BAZ2B: variants seen among roughly 807,000 people sequenced by gnomAD.
The protein encoded by BAZ2B is bromodomain adjacent to zinc finger domain 2B.
Under a neutral mutation model 246.0 loss-of-function variants are expected in BAZ2B, and 91 were observed. The ratio of observed to expected loss-of-function variants is 0.37; its 90% confidence interval spans 0.31 to 0.44. The LOEUF is 0.44. Among genes scored for constraint, BAZ2B ranks in the 20% least tolerant of loss-of-function variants. The probability of loss-of-function intolerance (pLI) is 1.00; values close to 1 mark genes in which losing one functional copy is unlikely to be tolerated. For synonymous variants in BAZ2B, 855 were observed against 860.0 expected, an observed-to-expected ratio of 0.99 and a Z score of 0.10; for missense variants, 2,332 against 2,533.7, an observed-to-expected ratio of 0.92 and a Z score of 1.71.
chr2:159,633,996 T>C, the BAZ2B span, among the ~76,000 whole-genome samples: 5 of 152,252 alleles, frequency 3.3e-5, no homozygotes, highest in Admixed American at 2.0e-4. Context: ...CACCTCGGGC[T>C]CCCAAAGTGC....
chr2:159,462,784 A>T (rs1283654514), intron 3 of BAZ2B: 2 of 1,408,248 alleles, frequency 1.4e-6, no homozygotes, highest in African/African-American at 2.8e-5. Flanking sequence ...GGCTTTCAAT[A>T]CATGCAATAA....
At chr2:159,477,825 C>T (rs528900503) in intron 3 of BAZ2B, among the ~76,000 whole-genome samples, 10 of 152,168 alleles carry the variant, frequency 6.6e-5, no homozygotes, top group African/African-American at 1.2e-4. Flanking sequence ...GATATTTTCA[C>T]GTTTGAAATA....
chr2:159,682,633 G>GA, the BAZ2B span, among the ~76,000 whole-genome samples: 1 of 152,200 alleles, frequency 6.6e-6, no homozygotes, highest in African/African-American at 2.4e-5. Context: ...CTTGGCTATG[G>GA]AAAATAGCAC....
chr2:159,690,069 G>C, the BAZ2B span: 1 of 473,188 alleles, frequency 2.1e-6, no homozygotes, highest in South Asian at 3.2e-5. Flanking sequence ...TAATCAGTTT[G>C]AATTTTTCTA....
chr2:159,415,203 T>C (rs1369588081), intron 13 of BAZ2B, among the ~76,000 whole-genome samples: 1 of 151,948 alleles, frequency 6.6e-6, no homozygotes, highest in East Asian at 1.9e-4. Context: ...CACCAGCACT[T>C]TGGGAGGCTA....
chr2:159,412,491 T>C lies in BAZ2B; in HGVS notation c.2521A>G (p.Met841Val), dbSNP rs575576648. 100 of 1,614,120 alleles carry C rather than the reference T, an allele frequency of 6.2e-5. No individual in the cohort carries two copies. The highest frequency in any genetic ancestry group is 8.0e-5 in the Non-Finnish European group (94 of 1,180,006). ...EEDVIPRIRA[M>V]EGRRGRPPNP... ...GGTGGTCTTCCTCTACGACCTTCCA[T>C]TGCCCTGATACGAGGAATGACATCC... Residue 841 changes from methionine (M) to valine (V), a missense_variant, in exon 14 of 37, where the codon ATG (methionine) becomes GTG (valine). Transcript: ENST00000392783.
intron 3 of BAZ2B, among the ~76,000 whole-genome samples, chr2:159,468,443 G>A (rs548658550): frequency 6.6e-6 from 1 of 152,302 alleles, no homozygotes; most frequent in South Asian, 2.1e-4. Flanking sequence ...AGTCTAGCAT[G>A]AAAAAGCAGA....
chr2:159,376,013 T>G (rs2061377959), intron 25 of BAZ2B, among the ~76,000 whole-genome samples: 1 of 152,208 alleles, frequency 6.6e-6, no homozygotes, highest in Non-Finnish European at 1.5e-5. Context: ...GTGTGAAATT[T>G]GTCATTCCAG....
At chr2:159,513,821 C>G (rs2083169386) in intron 2 of BAZ2B, among the ~76,000 whole-genome samples, 1 of 152,102 alleles carries the variant, frequency 6.6e-6, no homozygotes, top group South Asian at 2.1e-4. Flanking sequence ...ATACTGAAAG[C>G]CCTGGAGTGG....
chr2:159,589,368 C>CA (rs889941771), intron 1 of BAZ2B, among the ~76,000 whole-genome samples: 47 of 142,672 alleles, frequency 3.3e-4, no homozygotes, highest in Non-Finnish European at 4.2e-4. Flanking sequence ...AGATTCCTTC[C>CA]AAAAAAAAAA....
At chr2:159,340,498 A>G (rs1010187741) in intron 31 of BAZ2B, among the ~76,000 whole-genome samples, 23 of 152,186 alleles carry the variant, frequency 1.5e-4, no homozygotes, top group Admixed American at 5.9e-4. Context: ...ACCCTGTAAG[A>G]AGTCAAAAGA....
intron 14 of BAZ2B, among the ~76,000 whole-genome samples, chr2:159,407,464 A>AC (rs2066137523): frequency 6.6e-6 from 1 of 151,914 alleles, no homozygotes; most frequent in African/African-American, 2.4e-5. Flanking sequence ...TCTCAAAAAA[A>AC]CCCCCAAAGA....
Position 159,575,175 on chromosome 2 carries a change from TGGG to T in BAZ2B, c.-45-19313_-45-19311del, listed in dbSNP as rs1685011649. Among the ~76,000 whole-genome samples, 3 of 151,906 alleles carry T rather than the reference TGGG, an allele frequency of 2.0e-5. No homozygotes were observed. In the South Asian group the frequency reaches 6.2e-4, roughly 32 times the overall value. On this transcript the variant is annotated intron_variant, in intron 1 of 36. Transcript: ENST00000392783. ...AAGTAGGATAGTGGGTAATGGGAGT[TGGG>T]GGAACAGGAAATGGAGAATGACTCC...
At chr2:159,662,100 T>A in the BAZ2B span, among the ~76,000 whole-genome samples, 4 of 152,246 alleles carry the variant, frequency 2.6e-5, no homozygotes, top group Non-Finnish European at 5.9e-5. Flanking sequence ...ATACAACATG[T>A]GGCCTTGTGT....
the BAZ2B span, among the ~76,000 whole-genome samples, chr2:159,651,610 C>A: frequency 1.2e-3 from 180 of 152,072 alleles, no homozygotes; most frequent in Admixed American, 4.9e-3. Context: ...AAAACTTACC[C>A]CTTTGAAATA....
intron 1 of BAZ2B, among the ~76,000 whole-genome samples, chr2:159,558,019 G>C (rs2089410494): frequency 6.6e-6 from 1 of 151,940 alleles, no homozygotes. Flanking sequence ...GAAATGCAGA[G>C]GGAATGGGAA....
intron 5 of BAZ2B, 118 bp from the exon 6 acceptor site, chr2:159,447,093 G>A (rs1342010876): frequency 1.7e-5 from 12 of 700,734 alleles, no homozygotes; most frequent in South Asian, 3.0e-5. Flanking sequence ...AAAGAAGACA[G>A]AAAAGGTCAT....
chr2:159,674,978 G>A, the BAZ2B span, among the ~76,000 whole-genome samples: 290 of 152,198 alleles, frequency 1.9e-3, no homozygotes, highest in Non-Finnish European at 3.4e-3. Flanking sequence ...TGTATTTGTC[G>A]CAGCATTAAG....
rs181899744 is a variant in BAZ2B at position 159,505,702 on chromosome 2, T to G, written c.-2-26981A>C. 1.7e-3 allele frequency among the ~76,000 whole-genome samples: 252 copies of G among 152,230 alleles called. 2 individuals carry two copies. The highest frequency in any genetic ancestry group is 5.5e-3 in the African/African-American group (228 of 41,522). ...GAATGGGAAAAATATACAGATAGCT[T>G]GGATGAAAAGGTCCCATAAGAAGGC... is the stretch of plus-strand genomic sequence containing the variant. On this transcript the variant is annotated intron_variant, in intron 2 of 36. Coordinates refer to ENST00000392783, the MANE Select transcript of BAZ2B (RefSeq NM_013450.4).
Sources: allele counts gnomAD v4.1 joint callset (sites outside exome capture counted in the v4.1 genomes callset), GRCh38; gene constraint gnomAD v4.1.1; transcripts MANE v1.5; gene names NCBI Gene and HGNC (gene_info 2026-07-23, HGNC 2026-07-21).